Variants in NAALAD2 observed in about 807,000 individuals in gnomAD.
The protein encoded by NAALAD2 is N-acetylated alpha-linked acidic dipeptidase 2.
A neutral mutation model predicts 95.6 loss-of-function variants in NAALAD2; 89 were observed. The observed-to-expected ratio is 0.93, with a 90% CI of 0.78 to 1.11. The LOEUF (loss-of-function observed/expected upper bound fraction) is 1.11. Ranked by LOEUF, NAALAD2 falls within the 50% of genes least tolerant of loss-of-function variation. The probability of loss-of-function intolerance (pLI) is 0.00; values close to 1 mark genes in which losing one functional copy is unlikely to be tolerated. For missense variants in NAALAD2, 894 were observed against 872.4 expected, an observed-to-expected ratio of 1.02 and a Z score of -0.31; for synonymous variants, 264 against 294.4, an observed-to-expected ratio of 0.90 and a Z score of 1.06.
chr11:90,143,895 T>C (rs978776168), intron 2 of NAALAD2, among the ~76,000 whole-genome samples: 3 of 152,212 alleles, frequency 2.0e-5, no homozygotes, highest in Non-Finnish European at 1.5e-5. Context: ...ATCTGTGCTG[T>C]TGATGAGATC....
At chr11:90,153,365 A>T (rs917677350) in intron 6 of NAALAD2, among the ~76,000 whole-genome samples, 1 of 152,146 alleles carries the variant, frequency 6.6e-6, no homozygotes, top group Non-Finnish European at 1.5e-5. Context: ...CAGAAATTTT[A>T]AAATTGTTTT....
rs777319912 is a variant in NAALAD2 at position 90,176,046 on chromosome 11, G to A, written c.1577G>A (p.Arg526His). The change falls in exon 15 of 19, where the codon CGT (arginine) becomes CAT (histidine). Residue 526 changes from arginine (R) to histidine (H), a missense_variant. Transcript: ENST00000534061. ...QRLGIASGRA[R>H]YTKNKKTDKY... ...CTTGGAATTGCTTCAGGCAGAGCCC[G>A]TTACACTAAGAATAAGGTAAGCCAT... 32 of 1,612,974 alleles carry A rather than the reference G, an allele frequency of 2.0e-5. No individual in the cohort carries two copies. The highest frequency in any genetic ancestry group is 3.3e-5 in the South Asian group (3 of 91,060).
intron 2 of NAALAD2, among the ~76,000 whole-genome samples, chr11:90,143,488 G>A (rs1951672635): frequency 6.6e-6 from 1 of 152,032 alleles, no homozygotes; most frequent in East Asian, 1.9e-4. Context: ...TTTTGTCTTT[G>A]ATTTTCAGCA....
chr11:90,148,871 T>A (rs1951817522), intron 3 of NAALAD2, 135 bp from the exon 4 acceptor site: 1 of 495,704 alleles, frequency 2.0e-6, no homozygotes, highest in South Asian at 3.6e-5. Context: ...TTCTCATTGT[T>A]GTCAGTGTAA....
Position 90,189,583 on chromosome 11 carries a change from A to G in NAALAD2, c.2034-1975A>G, listed in dbSNP as rs1228950694. ...CAGGAGTTTAAGACCAGCCTGGCCA[A>G]CATGGTGAAACCCCATCTCTACTAA... is the stretch of plus-strand genomic sequence containing the variant. On this transcript the variant is annotated intron_variant, in intron 18 of 18. Coordinates refer to ENST00000534061, the MANE Select transcript of NAALAD2 (RefSeq NM_005467.4). 2.6e-5 allele frequency among the ~76,000 whole-genome samples: 4 copies of G among 152,124 alleles called. No homozygotes were observed. In the East Asian group the frequency reaches 5.8e-4, roughly 22 times the overall value.
Position 90,171,899 on chromosome 11 carries a change from C to T in NAALAD2, c.1410+1763C>T, listed in dbSNP as rs78654000. Among the ~76,000 whole-genome samples the T allele has an allele frequency of 3.2e-3, 487 of 152,044 alleles. 4 individuals are homozygous for T. The highest frequency in any genetic ancestry group is 0.01 in the African/African-American group (426 of 41,462). On this transcript the variant is annotated intron_variant, in intron 13 of 18. Coordinates refer to ENST00000534061, the MANE Select transcript of NAALAD2 (RefSeq NM_005467.4). ...GTAGCTGAGGTAAGACTCATCTAGC[C>T]GAGTGTGGTGGCACATGCCTATAGT...
In NAALAD2 at chr11:90,191,650, C is replaced by G. The variant is rs1325302272; in HGVS notation, c.2126C>G (p.Ala709Gly). The G allele has an allele frequency of 5.0e-6, 8 of 1,606,624 alleles. No homozygotes were observed. Among genetic ancestry groups the G allele is most frequent in the African/African-American group, 1.3e-5 (1 of 74,616 alleles). The change falls in exon 19 of 19, where the codon GCC becomes GGC. Residue 709 changes from alanine (A) to glycine (G), a missense_variant. Coordinates refer to ENST00000534061, the MANE Select transcript of NAALAD2 (RefSeq NM_005467.4). ...GCTATCTTTGATATTGAAAATAAAG[C>G]CAACTCTCGTTTGGCCTGGAAAGAA... ...YDAIFDIENK[A>G]NSRLAWKEVK...
At position 90,177,988 on chromosome 11, in the gene NAALAD2, C is replaced by A; in HGVS notation, c.1729C>A (p.Leu577Ile). 1.2e-6 allele frequency: 2 copies of A among 1,613,832 alleles called. No homozygotes were observed. Among genetic ancestry groups the A allele is most frequent in the South Asian group, 2.2e-5 (2 of 91,070 alleles). ...AQLRGALVYE[L>I]VDSKIIPFNI... is the part of the protein sequence containing the mutation. ...ATTACGAGGAGCACTGGTATATGAG[C>A]TTGTGGATTCTAAAATCATTCCTTT... is the stretch of plus-strand genomic sequence containing the variant. Residue 577 changes from leucine to isoleucine, a missense_variant, in exon 16 of 19, where the codon CTT becomes ATT. Leu to Ile is a conservative substitution (Grantham distance 5). Transcript: ENST00000534061.
chr11:90,170,124 A>G lies in NAALAD2; in HGVS notation c.1398A>G (p.Lys466=). 1 of 1,585,598 alleles carries G rather than the reference A, an allele frequency of 6.3e-7. No homozygotes were observed. The highest frequency in any genetic ancestry group is 8.7e-7 in the Non-Finnish European group (1 of 1,154,290). The part of the protein sequence containing the change: ...CTPLLYQLVY[K]LTKEIPSPDD... The stretch of plus-strand genomic sequence containing the variant: ...CCCTTCTTTACCAATTAGTGTATAA[A>G]CTGACAAAAGAGGTATATAAGGAAA... Residue 466 remains lysine (K), a synonymous_variant, in exon 13 of 19, where the codon AAA becomes AAG. Coordinates refer to ENST00000534061, the MANE Select transcript of NAALAD2 (RefSeq NM_005467.4).
chr11:90,175,996 T>C lies in NAALAD2; in HGVS notation c.1527T>C (p.Ser509=), dbSNP rs773446049. 1 of 1,613,436 alleles carries C rather than the reference T, an allele frequency of 6.2e-7. No homozygotes were observed. The highest frequency in any genetic ancestry group is 1.1e-5 in the South Asian group (1 of 91,056). ...GAATCAATAAGCTGGGATCTGGAAG[T>C]GACTTTGAAGCTTATTTTCAGAGAC... ...LPRINKLGSG[S]DFEAYFQRLG... is the part of the protein sequence containing the mutation. The change falls in exon 15 of 19, where the codon AGT becomes AGC. Residue 509 remains serine, a synonymous_variant. Coordinates refer to ENST00000534061, the MANE Select transcript of NAALAD2 (RefSeq NM_005467.4).
At position 90,172,068 on chromosome 11, in the gene NAALAD2, T is replaced by G. The variant is rs507850; in HGVS notation, c.1411-1756T>G. On this transcript the variant is annotated intron_variant, in intron 13 of 18. Transcript: ENST00000534061. ...GGGACGTGATTTCTGATTGGCACTATTATGGAGACAGTATGATTCAGAAAA... is the reference window on the plus strand; with the variant it reads ...GGGACGTGATTTCTGATTGGCACTAGTATGGAGACAGTATGATTCAGAAAA... Among the ~76,000 whole-genome samples the G allele has an allele frequency of 8.5e-5, 13 of 152,272 alleles. No homozygotes were observed. The East Asian group carries it at 2.5e-3, about 29-fold the overall frequency.
Position 90,158,132 on chromosome 11 carries a change from T to A in NAALAD2, c.797-13T>A. On this transcript the variant is annotated splice_polypyrimidine_tract_variant and intron_variant, in intron 6 of 18. Coordinates refer to ENST00000534061, the MANE Select transcript of NAALAD2 (RefSeq NM_005467.4). ...TTTAAATTGTTTTCATTTTATGCAT[T>A]TGATTTTTTTAGAATACACTTTCAG... 6.4e-7 allele frequency: 1 copy of A among 1,572,148 alleles called. No homozygotes were observed. Among genetic ancestry groups the A allele is most frequent in the Non-Finnish European group, 8.7e-7 (1 of 1,146,916 alleles).
At chr11:90,176,139 G>C (rs988743812) in intron 15 of NAALAD2, 77 bp downstream of exon 15, 28 of 1,107,568 alleles carry the variant, frequency 2.5e-5, no homozygotes, top group African/African-American at 4.6e-5. Flanking sequence ...GAGTTGTTTG[G>C]CACCAGACAC....
intron 14 of NAALAD2, 118 bp from the exon 15 acceptor site, chr11:90,175,854 A>G: frequency 6.3e-6 from 3 of 478,552 alleles, no homozygotes; most frequent in East Asian, 3.3e-5. Context: ...TATAAATGTA[A>G]TATATAATTC....
chr11:90,187,650 T>A (rs1411162034), intron 18 of NAALAD2, among the ~76,000 whole-genome samples: 1 of 152,216 alleles, frequency 6.6e-6, no homozygotes, highest in East Asian at 1.9e-4. Flanking sequence ...CAGCAATGTA[T>A]ATCAGGTTAA....
Position 90,152,635 on chromosome 11 carries a change from A to G in NAALAD2, c.796+151A>G, listed in dbSNP as rs7937708. 4.2e-3 allele frequency: 2,399 copies of G among 570,082 alleles called. 43 individuals are homozygous for G. The highest frequency in any genetic ancestry group is 0.041 in the African/African-American group (2,177 of 53,122). The allele number at this position is 570,082 out of a possible 1,614,324, so 35.3% of individuals were successfully genotyped here. A position where few individuals can be genotyped will look rare whatever the true frequency, so the allele number is the denominator to read the frequency against. On this transcript the variant is annotated intron_variant, in intron 6 of 18. Transcript: ENST00000534061. ...TTACTGCTGCTAGGAATTTTAAAAC[A>G]TTTGCTCTTGTATTATTTTAGTTTT...
At chr11:90,168,588 G>A (rs1952545887) in intron 11 of NAALAD2, among the ~76,000 whole-genome samples, 1 of 152,108 alleles carries the variant, frequency 6.6e-6, no homozygotes, top group African/African-American at 2.4e-5. Context: ...GTAGATCTAG[G>A]GCAGGGCCCT....
intron 5 of NAALAD2, among the ~76,000 whole-genome samples, chr11:90,152,096 G>C (rs745388528): frequency 6.6e-6 from 1 of 152,146 alleles, no homozygotes; most frequent in East Asian, 1.9e-4. Flanking sequence ...ATGATAACTC[G>C]TTTAGATTTC....
chr11:90,187,274 G>C, intron 18 of NAALAD2, among the ~76,000 whole-genome samples: 1 of 152,004 alleles, frequency 6.6e-6, no homozygotes, highest in African/African-American at 2.4e-5. Flanking sequence ...CGATTCCTCA[G>C]GGATCTAGAA....
Sources: allele counts gnomAD v4.1 joint callset (sites outside exome capture counted in the v4.1 genomes callset), GRCh38; gene constraint gnomAD v4.1.1; transcripts MANE v1.5; gene names NCBI Gene and HGNC (gene_info 2026-07-23, HGNC 2026-07-21).